AREL1: variants seen among roughly 807,000 people sequenced by gnomAD.
AREL1 encodes the protein apoptosis-resistant E3 ubiquitin protein ligase 1.
AREL1 carries 62 observed loss-of-function variants against 99.0 expected under a neutral mutation model. The observed-to-expected ratio is 0.63, with a 90% CI of 0.51 to 0.77. AREL1 has a LOEUF of 0.77. AREL1 is among the 30% of genes least tolerant of loss of function. The pLI is 0.00. For synonymous variants in AREL1, 380 were observed against 376.5 expected, an observed-to-expected ratio of 1.01 and a Z score of -0.11; for missense variants, 879 against 1,027.6, an observed-to-expected ratio of 0.86 and a Z score of 1.98.
In AREL1 at chr14:74,683,409, GA is replaced by G; in HGVS notation, c.367del (p.Ser123ProfsTer3). On this transcript the variant is annotated frameshift_variant, in exon 5 of 20. Transcript: ENST00000356357. LOFTEE classifies it high-confidence loss of function. ...VTQEVLQEPN[S>X]NVVKVAFTVR... ...AGTGAAGGCCACTTTTACTACGTTG[GA>G]ATTGGGCTCCTGAAGGACTTCCTGG... is the stretch of plus-strand genomic sequence containing the variant. 1 of 1,614,082 alleles carries G rather than the reference GA, an allele frequency of 6.2e-7. No homozygotes were observed. The highest frequency in any genetic ancestry group is 1.3e-5 in the African/African-American group (1 of 75,008).
At chr14:74,685,558 C>A (rs746569722) in intron 3 of AREL1, 42 bp downstream of exon 3, 84 of 1,612,294 alleles carry the variant, frequency 5.2e-5, no homozygotes, top group Non-Finnish European at 6.9e-5. Flanking sequence ...CCCAAGCAAC[C>A]TTTACAAAAA....
intron 12 of AREL1, 85 bp downstream of exon 12, chr14:74,671,320 GCTT>G (rs1305709542): frequency 1.3e-4 from 38 of 302,322 alleles, no homozygotes; most frequent in Admixed American, 2.2e-4. Flanking sequence ...GGTAAGAGTT[GCTT>G]TTTTTTTTTT....
Position 74,683,483 on chromosome 14 carries a change from T to G in AREL1, c.294A>C (p.Leu98=). The G allele has an allele frequency of 6.2e-7, 1 of 1,614,126 alleles. No individual in the cohort carries two copies. The highest frequency in any genetic ancestry group is 1.7e-5 in the Admixed American group (1 of 60,006). The change falls in exon 5 of 20, where the codon CTA becomes CTC. Residue 98 remains leucine, a synonymous_variant. Coordinates refer to ENST00000356357, the MANE Select transcript of AREL1 (RefSeq NM_001039479.2). The part of the protein sequence containing the change: ...QPFPAHRPVG[L]RVHISHVELA... ...GCTCGACATGAGAGATGTGAACTCT[T>G]AGTCCCACAGGCCGATGTGCAGGGA... is the stretch of plus-strand genomic sequence containing the variant.
chr14:74,700,435 GA>G (rs1313033169), intron 1 of AREL1, among the ~76,000 whole-genome samples: 3 of 152,130 alleles, frequency 2.0e-5, no homozygotes, highest in Admixed American at 6.6e-5. Flanking sequence ...CAGAAGGGGG[GA>G]AAAAGATATT....
chr14:74,680,642 G>C (rs2089608139), intron 5 of AREL1, among the ~76,000 whole-genome samples: 2 of 152,160 alleles, frequency 1.3e-5, no homozygotes, highest in African/African-American at 4.8e-5. Flanking sequence ...AAACAACCCA[G>C]ATGACCTTTA....
intron 5 of AREL1, among the ~76,000 whole-genome samples, chr14:74,677,595 C>T (rs2089520798): frequency 7.1e-6 from 1 of 140,038 alleles, no homozygotes; most frequent in African/African-American, 2.7e-5. Flanking sequence ...CAACCTCTGC[C>T]TGTCGGGTTC....
At chr14:74,665,698 T>A (rs1015534135) in intron 17 of AREL1, among the ~76,000 whole-genome samples, 1 of 152,212 alleles carries the variant, frequency 6.6e-6, no homozygotes. Flanking sequence ...AGAACATTAA[T>A]GACATCAGAG....
chr14:74,675,817 G>T lies in AREL1; in HGVS notation c.962C>A (p.Ser321Tyr). The T allele has an allele frequency of 6.2e-7, 1 of 1,614,202 alleles. No homozygotes were observed. Among genetic ancestry groups the T allele is most frequent in the East Asian group, 2.2e-5 (1 of 44,886 alleles). The change falls in exon 8 of 20, where the codon TCT (serine) becomes TAT (tyrosine). Residue 321 changes from serine to tyrosine, a missense_variant. By Grantham distance (144) the Ser-to-Tyr change is moderately radical. Transcript: ENST00000356357. Reference sequence around the variant, plus strand: ...AGCAGTGGATGGCCGGCGCTGGGAAGAGGTCATGTGCATGGGTGGCAGGTG... The same window carrying T: ...AGCAGTGGATGGCCGGCGCTGGGAATAGGTCATGTGCATGGGTGGCAGGTG... ...PWHLPPMHMT[S>Y]SQRRPSTAVD... is the part of the protein sequence containing the mutation.
In AREL1 at chr14:74,712,999, A is replaced by T; in HGVS notation, c.-400T>A. The stretch of plus-strand genomic sequence containing the variant: ...GTCCTGGGAAGGGGCGGCAGCACTC[A>T]GCAGAAGACGGGCTCCCCACTCTCC... On this transcript the variant is annotated 5_prime_UTR_variant, in exon 1 of 20. Coordinates refer to ENST00000356357, the MANE Select transcript of AREL1 (RefSeq NM_001039479.2). 1 of 846,746 alleles carries T rather than the reference A, an allele frequency of 1.2e-6. No individual in the cohort carries two copies. The highest frequency in any genetic ancestry group is 2.0e-6 in the Non-Finnish European group (1 of 505,386). 52.5% of individuals were successfully genotyped at this position (846,746 alleles called of 1,614,324 possible).
At position 74,672,812 on chromosome 14, in the gene AREL1, G is replaced by C; in HGVS notation, c.1422+19C>G. 6.2e-7 allele frequency: 1 copy of C among 1,613,990 alleles called. No homozygotes were observed. The highest frequency in any genetic ancestry group is 8.5e-7 in the Non-Finnish European group (1 of 1,179,940). On this transcript the variant is annotated intron_variant, in intron 11 of 19. Transcript: ENST00000356357. ...TGGAAAACTTTGGTATCTGCTGACAGAGATGAAATTTTACCTACCGATTCC... is the reference window on the plus strand; with the variant it reads ...TGGAAAACTTTGGTATCTGCTGACACAGATGAAATTTTACCTACCGATTCC...
At chr14:74,673,870 T>C (rs1192682253) in intron 9 of AREL1, among the ~76,000 whole-genome samples, 164 bp downstream of exon 9, 2 of 152,230 alleles carry the variant, frequency 1.3e-5, no homozygotes, top group African/African-American at 4.8e-5. Context: ...ATATTCTTCA[T>C]GCCATTTAGT....
intron 8 of AREL1, among the ~76,000 whole-genome samples, chr14:74,675,256 C>T (rs1355593615): frequency 6.6e-6 from 1 of 152,156 alleles, no homozygotes; most frequent in Non-Finnish European, 1.5e-5. Context: ...AGAATTAGAA[C>T]TCAGTTTTGG....
intron 15 of AREL1, among the ~76,000 whole-genome samples, chr14:74,668,904 G>A (rs928541045): frequency 6.6e-6 from 1 of 152,104 alleles, no homozygotes; most frequent in African/African-American, 2.4e-5. Context: ...TTGAGATAGG[G>A]TTTTGCTGTG....
rs970141491 is a variant in AREL1 at position 74,673,209 on chromosome 14, G to A, written c.1168C>T (p.Leu390Phe). 6.8e-6 allele frequency: 11 copies of A among 1,613,788 alleles called. No homozygotes were observed. The Admixed American group carries it at 1.7e-4, about 24-fold the overall frequency. Residue 390 changes from leucine (L) to phenylalanine (F), a missense_variant, in exon 10 of 20, where the codon CTT becomes TTT. Leu to Phe is a conservative substitution (Grantham distance 22). Coordinates refer to ENST00000356357, the MANE Select transcript of AREL1 (RefSeq NM_001039479.2). Reference protein sequence around the residue: ...RVCPGTKFSYLGPDPVHKLLT... With the variant: ...RVCPGTKFSYFGPDPVHKLLT... ...AGCTTATGGACAGGGTCAGGACCAA[G>A]GTATGAAAACTGGTAAAGAAAAACA... is the stretch of plus-strand genomic sequence containing the variant.
At chr14:74,690,414 A>G (rs1426754224) in intron 2 of AREL1, among the ~76,000 whole-genome samples, 2 of 152,176 alleles carry the variant, frequency 1.3e-5, no homozygotes, top group African/African-American at 4.8e-5. Context: ...TTCCTTGTAG[A>G]TAGAGTTTGA....
At chr14:74,679,781 T>C (rs1026587162) in intron 5 of AREL1, among the ~76,000 whole-genome samples, 1 of 151,468 alleles carries the variant, frequency 6.6e-6, no homozygotes, top group Non-Finnish European at 1.5e-5. Context: ...TGAGCTGAGA[T>C]TGTGCCATTG....
chr14:74,713,069 GCT>G lies in AREL1; in HGVS notation c.-472_-471del. 1.3e-6 allele frequency: 2 copies of G among 1,576,100 alleles called. No individual in the cohort carries two copies. Among genetic ancestry groups the G allele is most frequent in the Non-Finnish European group, 8.7e-7 (1 of 1,146,110 alleles). ...TGGTCTCCACCCGGCCTGGGAACCG[GCT>G]CGGGGGATTGCCCTTTCCCCAAGGA... is the stretch of plus-strand genomic sequence containing the variant. On this transcript the variant is annotated 5_prime_UTR_variant, in exon 1 of 20. Transcript: ENST00000356357.
rs761740408 is a variant in AREL1, at chr14:74,672,874, G to C, written c.1379C>G (p.Ser460Cys). ...LRQVHMKRPH[S>C]KVTLKVSRHA... ...TCTGCTGACCTTCAGGGTGACTTTG[G>C]AATGTGGTCTTTTCATATGTACCTG... Residue 460 changes from serine to cysteine, a missense_variant, in exon 11 of 20, where the codon TCC becomes TGC. Transcript: ENST00000356357. 2.3e-5 allele frequency: 37 copies of C among 1,614,064 alleles called. No homozygotes were observed. The South Asian group carries it at 3.6e-4, about 16-fold the overall frequency.
At chr14:74,676,953 T>C (rs990126426) in intron 5 of AREL1, among the ~76,000 whole-genome samples, 17 of 152,110 alleles carry the variant, frequency 1.1e-4, no homozygotes, top group Admixed American at 3.3e-4. Flanking sequence ...CCCGCCACCA[T>C]GCCCAGAGAA....
Sources: allele counts gnomAD v4.1 joint callset (sites outside exome capture counted in the v4.1 genomes callset), GRCh38; gene constraint gnomAD v4.1.1; transcripts MANE v1.5; gene names NCBI Gene and HGNC (gene_info 2026-07-23, HGNC 2026-07-21).